Variants in ZNF793 observed in about 807,000 individuals in gnomAD.
ZNF793 encodes zinc finger protein 793.
A neutral mutation model predicts 12.4 loss-of-function variants in ZNF793; 5 were observed. That is an observed-to-expected ratio of 0.40 (90% CI 0.21 to 0.84). The LOEUF is 0.84. Ranked by LOEUF, ZNF793 falls within the 40% of genes least tolerant of loss-of-function variation. The probability of loss-of-function intolerance (pLI) is 0.35; values close to 1 mark genes in which losing one functional copy is unlikely to be tolerated. For missense variants in ZNF793, 456 were observed against 495.0 expected, an observed-to-expected ratio of 0.92 and a Z score of 0.75; for synonymous variants, 162 against 172.4, an observed-to-expected ratio of 0.94 and a Z score of 0.47.
intron 3 of ZNF793, among the ~76,000 whole-genome samples, chr19:37,520,755 G>T (rs767328786): frequency 2.0e-5 from 3 of 152,074 alleles, no homozygotes; most frequent in African/African-American, 7.2e-5. Flanking sequence ...TTGCTCTCCC[G>T]TCATTTTTGG....
rs369622795 is a variant in ZNF793 at position 37,532,317 on chromosome 19, T to C, written c.16-39T>C. On this transcript the variant is annotated intron_variant, in intron 5 of 7. Transcript: ENST00000627814. ...CCATGCCTGGCCCTGCACAAACATTTTTTTTCGACATGACTCAATGTCATT... is the reference window on the plus strand; with the variant it reads ...CCATGCCTGGCCCTGCACAAACATTCTTTTTCGACATGACTCAATGTCATT... 1.1e-5 allele frequency: 17 copies of C among 1,595,614 alleles called. No homozygotes were observed. In the African/African-American group the frequency reaches 2.0e-4, roughly 19 times the overall value.
chr19:37,526,945 T>A (rs564010178), intron 5 of ZNF793, among the ~76,000 whole-genome samples: 1 of 152,086 alleles, frequency 6.6e-6, no homozygotes, highest in South Asian at 2.1e-4. Flanking sequence ...ATTGTTTTCC[T>A]TTCTTTTTTT....
At chr19:37,521,350 C>T (rs576145016) in intron 3 of ZNF793, among the ~76,000 whole-genome samples, 18 of 151,326 alleles carry the variant, frequency 1.2e-4, no homozygotes, top group Non-Finnish European at 2.2e-4. Context: ...CTCGAACTTA[C>T]GACCTCAAGC....
At chr19:37,536,422 G>A in intron 7 of ZNF793, 1 of 400,324 alleles carries the variant, frequency 2.5e-6, no homozygotes, top group Non-Finnish European at 4.4e-6. Flanking sequence ...ATGCTGGATA[G>A]CAAGGTACTG....
intron 7 of ZNF793, chr19:37,536,551 G>A (rs1344270750): frequency 1.2e-5 from 5 of 412,304 alleles, no homozygotes; most frequent in Non-Finnish European, 2.1e-5. Context: ...ACGTTTACAT[G>A]TTGTCTATAT....
intron 7 of ZNF793, chr19:37,536,303 G>A (rs1438471266): frequency 7.6e-6 from 3 of 396,318 alleles, no homozygotes; most frequent in Non-Finnish European, 1.3e-5. Flanking sequence ...AATCACCGGG[G>A]CATCTTGTTG....
chr19:37,532,234 G>T, intron 5 of ZNF793, 122 bp from the exon 6 acceptor site: 1 of 1,103,080 alleles, frequency 9.1e-7, no homozygotes, highest in Non-Finnish European at 1.3e-6. Context: ...GGCTGATCTT[G>T]AACTCCTGAT....
intron 2 of ZNF793, among the ~76,000 whole-genome samples, chr19:37,513,753 GTTTA>G (rs1338308501): frequency 6.6e-6 from 1 of 152,118 alleles, no homozygotes; most frequent in Non-Finnish European, 1.5e-5. Flanking sequence ...TCTTAATTTT[GTTTA>G]TTCTGTGACA....
intron 2 of ZNF793, among the ~76,000 whole-genome samples, chr19:37,519,205 G>A (rs1057285397): frequency 1.3e-5 from 2 of 152,172 alleles, no homozygotes; most frequent in African/African-American, 4.8e-5. Flanking sequence ...GGCAGAGCTT[G>A]TAGTGAGCTG....
At position 37,523,402 on chromosome 19, in the gene ZNF793, G is replaced by A. The variant is rs763610453; in HGVS notation, c.-30-8G>A. On this transcript the variant is annotated splice_region_variant and splice_polypyrimidine_tract_variant and intron_variant, in intron 4 of 7. Transcript: ENST00000627814. ...TTTCTCCATCTTCTTCCCCCCACATGTCTACAGGTGTCAGATCTTTTTCAA... is the reference window on the plus strand; with the variant it reads ...TTTCTCCATCTTCTTCCCCCCACATATCTACAGGTGTCAGATCTTTTTCAA... The A allele has an allele frequency of 1.1e-5, 17 of 1,609,076 alleles. No homozygotes were observed.
chr19:37,516,827 G>T (rs2042336289), intron 2 of ZNF793, among the ~76,000 whole-genome samples: 1 of 152,026 alleles, frequency 6.6e-6, no homozygotes, highest in South Asian at 2.1e-4. Context: ...TGTATTTTTA[G>T]TAGAGATGGG....
chr19:37,535,493 T>C (rs576902491), intron 7 of ZNF793: 2 of 152,258 alleles, frequency 1.3e-5, no homozygotes, highest in African/African-American at 4.8e-5. Flanking sequence ...AGTACAGTAA[T>C]TATCAAAATA....
chr19:37,514,876 G>A (rs1395547672), intron 2 of ZNF793, among the ~76,000 whole-genome samples: 1 of 152,026 alleles, frequency 6.6e-6, no homozygotes, highest in Non-Finnish European at 1.5e-5. Context: ...ATAGGACAAG[G>A]GAGAATACCA....
chr19:37,512,526 A>C (rs1337592392), intron 2 of ZNF793, among the ~76,000 whole-genome samples: 1 of 151,832 alleles, frequency 6.6e-6, no homozygotes, highest in African/African-American at 2.4e-5. Flanking sequence ...AATAATAATA[A>C]TACTAACAAT....
chr19:37,510,841 T>G (rs2042289026), intron 2 of ZNF793, among the ~76,000 whole-genome samples: 1 of 151,500 alleles, frequency 6.6e-6, no homozygotes, highest in Non-Finnish European at 1.5e-5. Flanking sequence ...GGACTACAGG[T>G]GCCCATGACC....
Position 37,542,514 on chromosome 19 carries a change from A to G in ZNF793, c.*4635A>G, listed in dbSNP as rs1317588415. 7 of 369,106 alleles carry G rather than the reference A, an allele frequency of 1.9e-5. No homozygotes were observed. In the East Asian group the frequency reaches 4.5e-4, roughly 24 times the overall value. 22.9% of individuals were successfully genotyped at this position (369,106 alleles called of 1,614,324 possible). A position where few individuals can be genotyped will look rare whatever the true frequency, so the allele number is the denominator to read the frequency against. On this transcript the variant is annotated 3_prime_UTR_variant, in exon 8 of 8. Transcript: ENST00000627814. ...GACAGATGAACATGTGAACATGGAC[A>G]TTTATTGTAAAAATTGTTCTTAATG...
At position 37,515,287 on chromosome 19, in the gene ZNF793, A is replaced by G. The variant is rs183937100; in HGVS notation, c.-275-4897A>G. Among the ~76,000 whole-genome samples the G allele has an allele frequency of 2.0e-5, 3 of 152,224 alleles. No individual in the cohort carries two copies. In the East Asian group the frequency reaches 5.8e-4, roughly 29 times the overall value. On this transcript the variant is annotated intron_variant, in intron 2 of 7. Coordinates refer to ENST00000627814, the MANE Select transcript of ZNF793 (RefSeq NM_001013659.3). ...TAAAATGACTGTAGGAAAATGGATT[A>G]ATGACTTTTTTCTTTTTTTCTTTTT...
At chr19:37,519,685 CA>C (rs1439381602) in intron 2 of ZNF793, among the ~76,000 whole-genome samples, 1 of 151,960 alleles carries the variant, frequency 6.6e-6, no homozygotes, top group African/African-American at 2.4e-5. Flanking sequence ...AGATTGTTTA[CA>C]AAAGAAATGC....
At chr19:37,533,172 C>A in intron 6 of ZNF793, 136 bp from the exon 7 acceptor site, 1 of 644,594 alleles carries the variant, frequency 1.6e-6, no homozygotes, top group Non-Finnish European at 2.7e-6. Context: ...ATTACTAATC[C>A]CATTTGGTTC....
Sources: gnomAD v4.1 joint callset for allele counts (sites outside exome capture counted in the v4.1 genomes callset) on GRCh38, gnomAD v4.1.1 for gene constraint, MANE v1.5 for transcripts, NCBI Gene and HGNC (gene_info 2026-07-23, HGNC 2026-07-21) for gene names.